Variants in ZNF681 observed in about 807,000 individuals in gnomAD.
ZNF681 encodes the protein zinc finger protein 681.
Under a neutral mutation model 56.0 loss-of-function variants are expected in ZNF681, and 37 were observed. The ratio of observed to expected loss-of-function variants is 0.66; its 90% confidence interval spans 0.51 to 0.87. ZNF681 has a LOEUF of 0.87. Ranked by LOEUF, ZNF681 falls within the 40% of genes least tolerant of loss-of-function variation. ZNF681 has a pLI of 0.00. For synonymous variants in ZNF681, 225 were observed against 248.6 expected (o/e 0.91, Z 0.89); for missense variants, 741 against 744.9 (o/e 0.99, Z 0.06).
At chr19:23,750,569 C>T (rs1290090360) in intron 3 of ZNF681, among the ~76,000 whole-genome samples, 5 of 152,018 alleles carry the variant, frequency 3.3e-5, no homozygotes, top group Non-Finnish European at 5.9e-5. Context: ...AGGCCAGGCA[C>T]GGTGGCTCAC....
intron 3 of ZNF681, among the ~76,000 whole-genome samples, chr19:23,747,188 T>C (rs1968956441): frequency 6.6e-6 from 1 of 152,104 alleles, no homozygotes; most frequent in Non-Finnish European, 1.5e-5. Flanking sequence ...TGAATGAAAC[T>C]GGAAATTGAG....
chr19:23,740,742 C>CTTTTA lies in ZNF681; in HGVS notation c.*2869_*2870insTAAAA, dbSNP rs1460677399. On this transcript the variant is annotated 3_prime_UTR_variant, in exon 4 of 4. Coordinates refer to ENST00000402377, the MANE Select transcript of ZNF681 (RefSeq NM_138286.3). ...AAAAACTAAAAAAAGTAGGCTTATA[C>CTTTTA]AGCGTTCTCCAATTAAAAGAACAAA... 6.6e-6 allele frequency: 1 copy of CTTTTA among 152,088 alleles called. No individual in the cohort carries two copies. The highest frequency in any genetic ancestry group is 2.4e-5 in the African/African-American group (1 of 41,406). The allele number at this position is 152,088 out of a possible 1,614,324, so 9.4% of individuals were successfully genotyped here.
chr19:23,753,860 CAA>C (rs34755450), intron 3 of ZNF681, among the ~76,000 whole-genome samples: 1 of 123,844 alleles, frequency 8.1e-6, no homozygotes. Context: ...GACTTTGTCT[CAA>C]AAAAAAAAAA....
At chr19:23,751,512 C>A (rs1969031266) in intron 3 of ZNF681, among the ~76,000 whole-genome samples, 1 of 150,100 alleles carries the variant, frequency 6.7e-6, no homozygotes, top group Non-Finnish European at 1.5e-5. Flanking sequence ...AAATTCTATT[C>A]TCTAGATAAC....
At chr19:23,750,266 AGAGT>A (rs1295183636) in intron 3 of ZNF681, among the ~76,000 whole-genome samples, 4 of 143,008 alleles carry the variant, frequency 2.8e-5, no homozygotes, top group Non-Finnish European at 3.0e-5. Context: ...CCTGGGCGAC[AGAGT>A]GAGACTCCAA....
chr19:23,747,853 C>A (rs1968968555), intron 3 of ZNF681, among the ~76,000 whole-genome samples: 1 of 151,786 alleles, frequency 6.6e-6, no homozygotes, highest in South Asian at 2.1e-4. Context: ...AATAGAGAGC[C>A]CAGAAATAAA....
intron 3 of ZNF681, among the ~76,000 whole-genome samples, chr19:23,754,234 A>G (rs1969080155): frequency 1.3e-5 from 2 of 152,216 alleles, no homozygotes; most frequent in Non-Finnish European, 2.9e-5. Flanking sequence ...AAGCAGTCAG[A>G]TTGTGCAGTC....
At position 23,752,513 on chromosome 19, in the gene ZNF681, C is replaced by A. The variant is rs1450162931; in HGVS notation, c.226+2310G>T. Among the ~76,000 whole-genome samples, 3 of 6,204 alleles carry A rather than the reference C, an allele frequency of 4.8e-4. No individual in the cohort carries two copies. The Non-Finnish European group carries it at 0.036, about 74-fold the overall frequency. The allele number at this position is 6,204 out of a possible 152,430, so 4.1% of individuals were successfully genotyped here. On this transcript the variant is annotated intron_variant, in intron 3 of 3. Transcript: ENST00000402377. ...ATCCACATTCTTAAATAAGACTCAA[C>A]CATATACACAGACCTGACTGCAGAA...
Position 23,755,558 on chromosome 19 carries a change from AACACACACAC to A in ZNF681, c.4-17_4-8del, listed in dbSNP as rs763001279. 2.7e-5 allele frequency: 35 copies of A among 1,277,430 alleles called. No homozygotes were observed. Among genetic ancestry groups the A allele is most frequent in the African/African-American group, 1.6e-4 (9 of 57,526 alleles). The allele number at this position is 1,277,430 out of a possible 1,614,324, so 79.1% of individuals were successfully genotyped here. ...CCCTAAATTTCAATGGTTCCTGAAA[AACACACACAC>A]ACACACACACACACACACACACACA... On this transcript the variant is annotated splice_polypyrimidine_tract_variant and splice_region_variant and intron_variant, in intron 1 of 3. Coordinates refer to ENST00000402377, the MANE Select transcript of ZNF681 (RefSeq NM_138286.3).
intron 3 of ZNF681, among the ~76,000 whole-genome samples, chr19:23,753,260 A>C (rs1383685231): frequency 2.0e-5 from 3 of 151,824 alleles, no homozygotes; most frequent in Non-Finnish European, 4.4e-5. Context: ...TTAGCCAGGC[A>C]TGGTGGCATG....
chr19:23,744,842 G>A lies in ZNF681; in HGVS notation c.708C>T (p.Asn236=), dbSNP rs1317957303. 1 of 1,613,310 alleles carries A rather than the reference G, an allele frequency of 6.2e-7. No homozygotes were observed. Among genetic ancestry groups the A allele is most frequent in the African/African-American group, 1.3e-5 (1 of 74,972 alleles). Residue 236 remains asparagine, a synonymous_variant, in exon 4 of 4, where the codon AAC becomes AAT. Coordinates refer to ENST00000402377, the MANE Select transcript of ZNF681 (RefSeq NM_138286.3). ...TATGTGTAGTAAGGTTTGTGAACTG[G>A]TTACAGGCTTTGCCACATTCTTCAC... ...YICEECGKAC[N]QFTNLTTHKI...
intron 3 of ZNF681, among the ~76,000 whole-genome samples, chr19:23,751,609 G>C (rs368067346): frequency 2.0e-4 from 30 of 152,300 alleles, no homozygotes; most frequent in African/African-American, 7.2e-4. Context: ...AGGAAATGGA[G>C]TGTAATCATA....
At chr19:23,749,718 G>A (rs1968996230) in intron 3 of ZNF681, among the ~76,000 whole-genome samples, 1 of 151,854 alleles carries the variant, frequency 6.6e-6, no homozygotes, top group Admixed American at 6.6e-5. Context: ...CAAATTCTGG[G>A]ATTACACATG....
At position 23,742,037 on chromosome 19, in the gene ZNF681, A is replaced by G. The variant is rs1318346711; in HGVS notation, c.*1575T>C. 6.6e-6 allele frequency: 1 copy of G among 152,194 alleles called. No homozygotes were observed. Among genetic ancestry groups the G allele is most frequent in the African/African-American group, 2.4e-5 (1 of 41,450 alleles). 9.4% of individuals were successfully genotyped at this position (152,194 alleles called of 1,614,324 possible). A position where few individuals can be genotyped will look rare whatever the true frequency, so the allele number is the denominator to read the frequency against. Reference sequence around the variant, plus strand: ...TCTTATTAAATAGTGTATAGTTACCATCATTTACCTATACCCTTGAGTAAG... The same window carrying G: ...TCTTATTAAATAGTGTATAGTTACCGTCATTTACCTATACCCTTGAGTAAG... On this transcript the variant is annotated 3_prime_UTR_variant, in exon 4 of 4. Transcript: ENST00000402377.
In ZNF681 at chr19:23,754,878, T is replaced by C; in HGVS notation, c.171A>G (p.Glu57=). The C allele has an allele frequency of 6.2e-7, 1 of 1,614,090 alleles. No individual in the cohort carries two copies. Among genetic ancestry groups the C allele is most frequent in the Non-Finnish European group, 8.5e-7 (1 of 1,180,008 alleles). ...VSKPDLITCL[E]QEKEPWTRKR... is the part of the protein sequence containing the mutation. ...TTCTAGTCCAAGGCTCTTTTTCTTG[T>C]TCCAGACAGGTGATCAGGTCTGGCT... The change falls in exon 3 of 4, where the codon GAA becomes GAG. Residue 57 remains glutamate (E), a synonymous_variant. Coordinates refer to ENST00000402377, the MANE Select transcript of ZNF681 (RefSeq NM_138286.3).
chr19:23,745,740 C>T (rs1169558804), intron 3 of ZNF681, among the ~76,000 whole-genome samples: 2 of 150,310 alleles, frequency 1.3e-5, no homozygotes, highest in Admixed American at 6.6e-5. Context: ...CATGAGCCAC[C>T]GTGCTCGGCC....
In ZNF681 at chr19:23,744,168, T is replaced by C. The variant is rs771579146; in HGVS notation, c.1382A>G (p.Gln461Arg). The change falls in exon 4 of 4, where the codon CAG becomes CGG. Residue 461 changes from glutamine (Q) to arginine (R), a missense_variant. Transcript: ENST00000402377. Reference sequence around the variant, plus strand: ...TTTATGTGTAGTAAGGTTTGAGAACTGGTTAAAGGCTTTCCCACATTCTTC... The same window carrying C: ...TTTATGTGTAGTAAGGTTTGAGAACCGGTTAAAGGCTTTCCCACATTCTTC... ...KCEECGKAFN[Q>R]FSNLTTHKRI... The C allele has an allele frequency of 1.9e-6, 3 of 1,613,562 alleles. No homozygotes were observed. The East Asian group carries it at 6.7e-5, about 36-fold the overall frequency.
rs563863432 is a variant in ZNF681 at position 23,740,379 on chromosome 19, C to T, written c.*3233G>A. ...GCTGAAATACACATAATAAGACAAA[C>T]AAAACTAAGACAATTAGGAAATAAA... On this transcript the variant is annotated 3_prime_UTR_variant, in exon 4 of 4. Coordinates refer to ENST00000402377, the MANE Select transcript of ZNF681 (RefSeq NM_138286.3). 2.6e-5 allele frequency: 4 copies of T among 152,126 alleles called. No homozygotes were observed. The South Asian group carries it at 8.3e-4, about 32-fold the overall frequency. The allele number at this position is 152,126 out of a possible 1,614,324, so 9.4% of individuals were successfully genotyped here.
intron 1 of ZNF681, among the ~76,000 whole-genome samples, chr19:23,757,931 T>TACTA (rs1451682196): frequency 1.3e-5 from 2 of 152,184 alleles, no homozygotes; most frequent in African/African-American, 4.8e-5. Context: ...ATATGACATA[T>TACTA]ACTAATAAGC....
Sources: allele counts gnomAD v4.1 joint callset (sites outside exome capture counted in the v4.1 genomes callset), GRCh38; gene constraint gnomAD v4.1.1; transcripts MANE v1.5; gene names NCBI Gene and HGNC (gene_info 2026-07-23, HGNC 2026-07-21).